Variants in CRYBG1 observed in about 807,000 individuals in gnomAD.
CRYBG1 encodes the protein crystallin beta-gamma domain containing 1, also known as beta/gamma crystallin domain-containing protein 1.
CRYBG1 carries 139 observed loss-of-function variants against 189.2 expected under a neutral mutation model. The ratio of observed to expected loss-of-function variants is 0.73; its 90% CI spans 0.64 to 0.85. CRYBG1 has a LOEUF of 0.85. Ranked by LOEUF, CRYBG1 falls within the 40% of genes least tolerant of loss-of-function variation. The probability of loss-of-function intolerance (pLI) is 0.00; values close to 1 mark genes in which losing one functional copy is unlikely to be tolerated. For synonymous variants in CRYBG1, 1,023 were observed against 1,017.1 expected (o/e 1.01, Z -0.11); for missense variants, 2,611 against 2,675.8 (o/e 0.98, Z 0.53).
intron 2 of CRYBG1, among the ~76,000 whole-genome samples, chr6:106,492,855 G>T (rs1772755880): frequency 6.6e-6 from 1 of 152,110 alleles, no homozygotes; most frequent in African/African-American, 2.4e-5. Context: ...CTTGTTGAAT[G>T]AATAAATGAA....
intron 18 of CRYBG1, among the ~76,000 whole-genome samples, chr6:106,559,076 C>G (rs1774634300): frequency 6.6e-6 from 1 of 152,196 alleles, no homozygotes; most frequent in South Asian, 2.1e-4. Context: ...TTGTAGAACA[C>G]TTTTCCACTG....
At position 106,443,598 on chromosome 6, in the gene CRYBG1, T is replaced by C. The variant is rs557090919; in HGVS notation, c.174-8096T>C. Among the ~76,000 whole-genome samples, 7 of 152,324 alleles carry C rather than the reference T, an allele frequency of 4.6e-5. No individual in the cohort carries two copies. The East Asian group carries it at 1.3e-3, about 29-fold the overall frequency. ...AATGCGATGACAAAGGACCCCTTGA[T>C]GAGTGATCAGAGGTGGATTGATTGG... is the stretch of plus-strand genomic sequence containing the variant. On this transcript the variant is annotated intron_variant, in intron 1 of 21. Transcript: ENST00000633556.
At chr6:106,540,690 C>CT (rs755066552) in intron 9 of CRYBG1, among the ~76,000 whole-genome samples, 6,161 of 141,910 alleles carry the variant, frequency 0.043, 165 homozygotes, top group Non-Finnish European at 0.065. Context: ...TTCCTTTTTC[C>CT]TTTTTTTTTT....
At chr6:106,516,392 C>T (rs1272323887) in intron 3 of CRYBG1, among the ~76,000 whole-genome samples, 1 of 152,168 alleles carries the variant, frequency 6.6e-6, no homozygotes, top group Non-Finnish European at 1.5e-5. Flanking sequence ...TGCCACCACA[C>T]CTGGCTAATT....
intron 2 of CRYBG1, among the ~76,000 whole-genome samples, chr6:106,474,458 T>A (rs1222390616): frequency 6.6e-6 from 1 of 152,256 alleles, no homozygotes; most frequent in African/African-American, 2.4e-5. Context: ...GAAACTTCTT[T>A]TAAAGGCTTA....
intron 1 of CRYBG1, among the ~76,000 whole-genome samples, chr6:106,446,359 G>T (rs915931763): frequency 2.6e-5 from 4 of 152,132 alleles, no homozygotes; most frequent in African/African-American, 9.7e-5. Context: ...GGTGTCTTAG[G>T]TTCCCTTGAG....
At chr6:106,440,475 C>T (rs1771548186) in intron 1 of CRYBG1, among the ~76,000 whole-genome samples, 1 of 152,132 alleles carries the variant, frequency 6.6e-6, no homozygotes, top group Non-Finnish European at 1.5e-5. Context: ...CTATGTTGCC[C>T]AGGCTGGTCT....
intron 8 of CRYBG1, among the ~76,000 whole-genome samples, chr6:106,533,293 A>G (rs920959667): frequency 2.0e-5 from 3 of 152,234 alleles, no homozygotes; most frequent in Admixed American, 2.0e-4. Context: ...ATGCTTGGGC[A>G]ATAGCTAAGA....
intron 1 of CRYBG1, among the ~76,000 whole-genome samples, chr6:106,411,871 G>C (rs1241653032): frequency 6.6e-6 from 1 of 152,168 alleles, no homozygotes; most frequent in Non-Finnish European, 1.5e-5. Context: ...AGGAGGAGAG[G>C]AAGCAGGCAT....
intron 1 of CRYBG1, among the ~76,000 whole-genome samples, chr6:106,415,560 C>CAA (rs11379902): frequency 2.0e-4 from 29 of 144,942 alleles, no homozygotes; most frequent in African/African-American, 5.0e-4. Flanking sequence ...CCCGTCTCTA[C>CAA]AAAAAAAAAA....
chr6:106,434,988 A>G (rs2114411217), intron 1 of CRYBG1, among the ~76,000 whole-genome samples: 1 of 152,374 alleles, frequency 6.6e-6, no homozygotes, highest in East Asian at 1.9e-4. Context: ...CAGATCACTG[A>G]AAAACCAAAC....
chr6:106,477,552 A>G lies in CRYBG1; in HGVS notation c.312+25720A>G, dbSNP rs578213156. Among the ~76,000 whole-genome samples, 13 of 152,300 alleles carry G rather than the reference A, an allele frequency of 8.5e-5. No homozygotes were observed. The South Asian group carries it at 2.7e-3, about 32-fold the overall frequency. Reference sequence around the variant, plus strand: ...GAGGTTGGTCTTCAGCCCATAGTTAATGAATTATCTATTACTATTTCAAAT... The same window carrying G: ...GAGGTTGGTCTTCAGCCCATAGTTAGTGAATTATCTATTACTATTTCAAAT... On this transcript the variant is annotated intron_variant, in intron 2 of 21. Coordinates refer to ENST00000633556, the MANE Select transcript of CRYBG1 (RefSeq NM_001371242.2).
intron 2 of CRYBG1, among the ~76,000 whole-genome samples, chr6:106,469,048 GTGGCC>G (rs776428373): frequency 2.0e-5 from 3 of 152,148 alleles, no homozygotes; most frequent in Non-Finnish European, 2.9e-5. Context: ...CAGGCCCTGC[GTGGCC>G]TGGCTCCTGC....
At chr6:106,503,309 C>T (rs1212028868) in intron 2 of CRYBG1, among the ~76,000 whole-genome samples, 1 of 152,198 alleles carries the variant, frequency 6.6e-6, no homozygotes, top group Non-Finnish European at 1.5e-5. Context: ...AAAGATCCAG[C>T]ACACTCTATC....
intron 2 of CRYBG1, among the ~76,000 whole-genome samples, chr6:106,494,802 C>T (rs1340659172): frequency 6.6e-6 from 1 of 152,052 alleles, no homozygotes; most frequent in Non-Finnish European, 1.5e-5. Context: ...TGTAATGGCA[C>T]ATGGGATGTA....
intron 2 of CRYBG1, among the ~76,000 whole-genome samples, chr6:106,461,305 A>T (rs1772004581): frequency 6.6e-6 from 1 of 152,212 alleles, no homozygotes; most frequent in South Asian, 2.1e-4. Flanking sequence ...ATTCTAAACC[A>T]TGGGGCAAAT....
At chr6:106,415,409 C>T (rs1771003165) in intron 1 of CRYBG1, among the ~76,000 whole-genome samples, 1 of 152,160 alleles carries the variant, frequency 6.6e-6, no homozygotes, top group Non-Finnish European at 1.5e-5. Context: ...GGAAATGGAA[C>T]AAAAGTCCTT....
intron 8 of CRYBG1, among the ~76,000 whole-genome samples, chr6:106,538,327 A>G (rs1774051140): frequency 6.6e-6 from 1 of 152,118 alleles, no homozygotes; most frequent in South Asian, 2.1e-4. Context: ...TTTCTGGCAC[A>G]TTAGAGGAGG....
In CRYBG1 at chr6:106,459,059, T is replaced by C. The variant is rs1292851764; in HGVS notation, c.312+7227T>C. The stretch of plus-strand genomic sequence containing the variant: ...GATATCTTATATTGTATGAAAAAGA[T>C]TGGTTGCCTATGTATAGCCAGCTTT... On this transcript the variant is annotated intron_variant, in intron 2 of 21. Transcript: ENST00000633556. Among the ~76,000 whole-genome samples the C allele has an allele frequency of 2.0e-5, 3 of 152,206 alleles. No homozygotes were observed. The East Asian group carries it at 5.8e-4, about 29-fold the overall frequency.
Sources: gnomAD v4.1 joint callset for allele counts (sites outside exome capture counted in the v4.1 genomes callset) on GRCh38, gnomAD v4.1.1 for gene constraint, MANE v1.5 for transcripts, NCBI Gene and HGNC (gene_info 2026-07-23, HGNC 2026-07-21) for gene names.